Variants in C8orf34 observed in about 807,000 individuals in gnomAD.
The protein encoded by C8orf34 is chromosome 8 open reading frame 34.
C8orf34 carries 65 observed loss-of-function variants against 68.3 expected under a neutral mutation model. The ratio of observed to expected loss-of-function variants is 0.95; its 90% CI spans 0.78 to 1.17. C8orf34 has a LOEUF of 1.17. Among genes scored for constraint, C8orf34 ranks in the 50% most tolerant of loss-of-function variants. C8orf34 has a pLI of 0.00. For synonymous variants in C8orf34, 244 were observed against 241.2 expected (o/e 1.01, Z -0.11); for missense variants, 664 against 655.4 (o/e 1.01, Z -0.14).
At chr8:68,445,890 A>C (rs1358882336) in intron 2 of C8orf34, among the ~76,000 whole-genome samples, 1 of 152,128 alleles carries the variant, frequency 6.6e-6, no homozygotes, top group Non-Finnish European at 1.5e-5. Flanking sequence ...TCCGGGTTCA[A>C]GTAATTCTCC....
intron 1 of C8orf34, among the ~76,000 whole-genome samples, chr8:68,351,751 A>T (rs988718372): frequency 6.6e-6 from 1 of 152,058 alleles, no homozygotes; most frequent in Non-Finnish European, 1.5e-5. Flanking sequence ...TGGTAAGAAT[A>T]GGTTTAATTT....
At chr8:68,749,637 T>C (rs147562112) in intron 10 of C8orf34, among the ~76,000 whole-genome samples, 25 of 152,302 alleles carry the variant, frequency 1.6e-4, no homozygotes, top group African/African-American at 4.1e-4. Context: ...GCCACTGATA[T>C]ACTTTCTGTT....
intron 10 of C8orf34, among the ~76,000 whole-genome samples, chr8:68,740,810 C>A (rs1266225420): frequency 6.6e-6 from 1 of 152,092 alleles, no homozygotes; most frequent in Non-Finnish European, 1.5e-5. Flanking sequence ...TTTACAATAG[C>A]AAAGACATGG....
At chr8:68,453,773 G>T (rs1313177631) in intron 3 of C8orf34, among the ~76,000 whole-genome samples, 1 of 151,618 alleles carries the variant, frequency 6.6e-6, no homozygotes, top group Non-Finnish European at 1.5e-5. Context: ...TTCTTTTCTT[G>T]CCTAATTGCC....
intron 1 of C8orf34, among the ~76,000 whole-genome samples, chr8:68,414,860 C>T (rs978936332): frequency 1.3e-5 from 2 of 152,172 alleles, no homozygotes; most frequent in African/African-American, 2.4e-5. Context: ...ACCATTCCCT[C>T]TTCTTCTAAT....
intron 10 of C8orf34, among the ~76,000 whole-genome samples, chr8:68,743,372 C>T (rs558505823): frequency 3.9e-5 from 6 of 152,072 alleles, no homozygotes; most frequent in Non-Finnish European, 8.8e-5. Context: ...CCAAGATGGC[C>T]GAATAGGAAC....
intron 7 of C8orf34, among the ~76,000 whole-genome samples, chr8:68,539,618 G>A (rs561560112): frequency 3.4e-4 from 52 of 152,182 alleles, no homozygotes; most frequent in African/African-American, 1.1e-3. Flanking sequence ...TTGGGAGGCC[G>A]AGGCAGGTGG....
chr8:68,501,812 T>C (rs1813784010), intron 5 of C8orf34, among the ~76,000 whole-genome samples: 1 of 152,168 alleles, frequency 6.6e-6, no homozygotes, highest in Non-Finnish European at 1.5e-5. Flanking sequence ...CATTTGAATA[T>C]AATCATCAAT....
chr8:68,531,126 T>C (rs371590843), intron 6 of C8orf34, among the ~76,000 whole-genome samples: 1 of 152,124 alleles, frequency 6.6e-6, no homozygotes, highest in African/African-American at 2.4e-5. Context: ...AATTCTGTTA[T>C]TCTTCAGCGT....
chr8:68,467,655 T>C (rs1013170018), intron 3 of C8orf34, among the ~76,000 whole-genome samples: 2 of 151,966 alleles, frequency 1.3e-5, no homozygotes, highest in African/African-American at 2.4e-5. Flanking sequence ...GATTTACTTG[T>C]TCATTTTGGT....
intron 8 of C8orf34, among the ~76,000 whole-genome samples, chr8:68,659,967 CAAAT>C (rs1269998707): frequency 1.3e-5 from 2 of 152,128 alleles, no homozygotes; most frequent in Non-Finnish European, 2.9e-5. Context: ...ACACAATTGA[CAAAT>C]AAATTTTTTT....
intron 4 of C8orf34, among the ~76,000 whole-genome samples, chr8:68,477,110 C>T (rs1311582791): frequency 1.3e-5 from 2 of 152,134 alleles, no homozygotes; most frequent in East Asian, 3.9e-4. Flanking sequence ...ACCTTAAGGT[C>T]CATCCTAGTT....
chr8:68,797,986 C>T (rs904991559), intron 12 of C8orf34, among the ~76,000 whole-genome samples: 2 of 151,844 alleles, frequency 1.3e-5, no homozygotes, highest in African/African-American at 4.8e-5. Flanking sequence ...AAGAATAAAA[C>T]AACAATAGTA....
At position 68,818,821 on chromosome 8, in the gene C8orf34, G is replaced by A. The variant is rs1466666626; in HGVS notation, c.*575G>A. 2 of 152,022 alleles carry A rather than the reference G, an allele frequency of 1.3e-5. No individual in the cohort carries two copies. Among genetic ancestry groups the A allele is most frequent in the Non-Finnish European group, 1.5e-5 (1 of 68,006 alleles). The allele number at this position is 152,022 out of a possible 1,614,324, so 9.4% of individuals were successfully genotyped here. A position where few individuals can be genotyped will look rare whatever the true frequency, so the allele number is the denominator to read the frequency against. ...TCTATTCCTATTAAAATGAATAATT[G>A]ATATGTTAATTAAGTAAAGCAAATC... On this transcript the variant is annotated 3_prime_UTR_variant, in exon 14 of 14. Transcript: ENST00000518698.
chr8:68,813,247 T>C (rs1006135260), intron 12 of C8orf34, among the ~76,000 whole-genome samples: 1 of 152,162 alleles, frequency 6.6e-6, no homozygotes, highest in Non-Finnish European at 1.5e-5. Flanking sequence ...CTATCCCTAG[T>C]ATAGGGGGAG....
intron 6 of C8orf34, among the ~76,000 whole-genome samples, chr8:68,530,850 G>A (rs1184520991): frequency 6.6e-6 from 1 of 152,044 alleles, no homozygotes; most frequent in African/African-American, 2.4e-5. Context: ...TGGGATAGAA[G>A]ATAAAATTAA....
At chr8:68,697,214 G>T (rs1820860827) in intron 8 of C8orf34, among the ~76,000 whole-genome samples, 1 of 151,664 alleles carries the variant, frequency 6.6e-6, no homozygotes, top group African/African-American at 2.4e-5. Context: ...CCTTTTATTT[G>T]CTGTATTTCT....
intron 8 of C8orf34, among the ~76,000 whole-genome samples, chr8:68,707,911 G>T (rs933587997): frequency 6.6e-6 from 1 of 152,036 alleles, no homozygotes; most frequent in African/African-American, 2.4e-5. Flanking sequence ...CAGAATATTT[G>T]CTATTGCTGA....
chr8:68,436,864 C>A (rs1810690335), intron 1 of C8orf34, among the ~76,000 whole-genome samples: 1 of 152,160 alleles, frequency 6.6e-6, no homozygotes, highest in Admixed American at 6.5e-5. Flanking sequence ...GGAAAGAAAT[C>A]AATCTTTTTA....
Sources: gnomAD v4.1 joint callset for allele counts (sites outside exome capture counted in the v4.1 genomes callset) on GRCh38, gnomAD v4.1.1 for gene constraint, MANE v1.5 for transcripts, NCBI Gene and HGNC (gene_info 2026-07-23, HGNC 2026-07-21) for gene names.